DNPEP: variants seen among roughly 807,000 people sequenced by gnomAD.
The protein encoded by DNPEP is aspartyl aminopeptidase.
Under a neutral mutation model 59.1 loss-of-function variants are expected in DNPEP, and 46 were observed. The observed-to-expected ratio is 0.78, with a 90% CI of 0.61 to 0.99. The LOEUF is 0.99. Ranked by LOEUF, DNPEP falls within the 50% of genes least tolerant of loss-of-function variation. The pLI is 0.00. For missense variants in DNPEP, 617 were observed against 649.9 expected (o/e 0.95, Z 0.55); for synonymous variants, 229 against 242.2 (o/e 0.95, Z 0.50).
chr2:219,385,770 A>G (rs1388122051), intron 6 of DNPEP, 64 bp from the exon 7 acceptor site: 8 of 1,470,304 alleles, frequency 5.4e-6, no homozygotes, highest in Admixed American at 2.1e-5. Flanking sequence ...GGCATCCATA[A>G]GTTCAGGTGC....
rs568408214 is a variant in DNPEP, at chr2:219,394,842, C to T, written c.-158+5098G>A. On this transcript the variant is annotated intron_variant, in intron 1 of 6. Coordinates refer to the DNPEP transcript ENST00000434339. ...AATCTGAACTCCTTGTTCCCCAAAC[C>T]TATTCCATCCACATTCTTCCCATCT... Among the ~76,000 whole-genome samples the T allele has an allele frequency of 7.9e-5, 12 of 152,276 alleles. No individual in the cohort carries two copies. In the East Asian group the frequency reaches 2.3e-3, roughly 29 times the overall value.
chr2:219,382,254 T>C, intron 10 of DNPEP, 115 bp from the exon 11 acceptor site: 1 of 1,229,176 alleles, frequency 8.1e-7, no homozygotes, highest in South Asian at 1.4e-5. Flanking sequence ...TCACTGGGTG[T>C]TCTTAGCAAC....
At chr2:219,385,150 C>A (rs1021843401) in intron 8 of DNPEP, 1 of 397,310 alleles carries the variant, frequency 2.5e-6, no homozygotes, top group Non-Finnish European at 4.6e-6. Flanking sequence ...CAGTGTGGGT[C>A]AAAGCAGACA....
intron 8 of DNPEP, chr2:219,384,683 C>T (rs1386044641): frequency 3.4e-5 from 13 of 381,486 alleles, no homozygotes; most frequent in Non-Finnish European, 6.4e-5. Flanking sequence ...ATTCTCGTGC[C>T]TCAGCCTCCT....
At chr2:219,397,254 TCAGA>T (rs1381052107) in intron 1 of DNPEP, among the ~76,000 whole-genome samples, 2 of 126,812 alleles carry the variant, frequency 1.6e-5, no homozygotes, top group African/African-American at 5.9e-5. Flanking sequence ...TTCAGAGACA[TCAGA>T]CAGGAAGCTT....
intron 1 of DNPEP, among the ~76,000 whole-genome samples, chr2:219,394,997 C>G (rs1036566970): frequency 6.6e-6 from 1 of 151,970 alleles, no homozygotes; most frequent in African/African-American, 2.4e-5. Flanking sequence ...ACTCTGTTGC[C>G]CAGGCTGGAG....
chr2:219,379,779 G>A (rs1953513978), intron 13 of DNPEP, among the ~76,000 whole-genome samples: 2 of 152,042 alleles, frequency 1.3e-5, no homozygotes, highest in Admixed American at 6.6e-5. Context: ...AAATTAGCCA[G>A]GCATGGTGGT....
At chr2:219,392,824 A>G (rs1015573190), upstream of DNPEP, among the ~76,000 whole-genome samples, 1 of 152,090 alleles carries the variant, frequency 6.6e-6, no homozygotes, top group African/African-American at 2.4e-5. Context: ...ACTACAAACT[A>G]TTGATCCTAC....
At chr2:219,384,477 C>T (rs1953726368) in intron 8 of DNPEP, 34 bp from the exon 9 acceptor site, 2 of 1,561,888 alleles carry the variant, frequency 1.3e-6, no homozygotes, top group South Asian at 2.3e-5. Context: ...CGACCTTCAA[C>T]CCTCCACCCC....
Position 219,381,416 on chromosome 2 carries a change from G to A in DNPEP, c.1158C>T (p.Asn386=). 3.1e-6 allele frequency: 5 copies of A among 1,614,240 alleles called. No individual in the cohort carries two copies. Among genetic ancestry groups the A allele is most frequent in the Non-Finnish European group, 4.2e-6 (5 of 1,180,046 alleles). ...CGTTTGAAGCATAGCGTTGCTTGCT[G>A]TTCACCTTGATCACGGGGCCCTGGG... The part of the protein sequence containing the change: ...LFHKGPVIKV[N]SKQRYASNAV... The change falls in exon 13 of 15, where the codon AAC becomes AAT. Residue 386 remains asparagine (N), a synonymous_variant. Transcript: ENST00000273075.
chr2:219,388,548 G>A (rs540618592), upstream of DNPEP: 11 of 257,286 alleles, frequency 4.3e-5, no homozygotes, highest in Admixed American at 1.3e-4. Flanking sequence ...CTGCTCGTTA[G>A]GCCCCGCCCT....
chr2:219,387,814 C>T lies in DNPEP; in HGVS notation c.-20G>A, dbSNP rs753211168. The T allele has an allele frequency of 3.8e-6, 6 of 1,568,874 alleles. No individual in the cohort carries two copies. Among genetic ancestry groups the T allele is most frequent in the Admixed American group, 1.9e-5 (1 of 53,528 alleles). On this transcript the variant is annotated 5_prime_UTR_variant, in exon 1 of 15. Coordinates refer to ENST00000273075, the MANE Select transcript of DNPEP (RefSeq NM_012100.4). The stretch of plus-strand genomic sequence containing the variant: ...GCTCATCTGGCCTCCGGGCTCGGCC[C>T]GCCCCCACCGCGCCGCCTGCCCCGC...
chr2:219,387,922 G>GC, upstream of DNPEP: 1 of 1,362,222 alleles, frequency 7.3e-7, no homozygotes, highest in South Asian at 1.6e-5. Flanking sequence ...CCCCGGCCGC[G>GC]CCGCCCCGCC....
intron 11 of DNPEP, 102 bp downstream of exon 11, chr2:219,381,876 GA>G: frequency 7.0e-7 from 1 of 1,419,590 alleles, no homozygotes. Flanking sequence ...GCAGAATGAA[GA>G]AGGGAGAAAG....
At chr2:219,388,993 G>A (rs1953965735), upstream of DNPEP, 4 of 401,174 alleles carry the variant, frequency 1.0e-5, no homozygotes, top group Admixed American at 6.4e-5. Context: ...CAGAGGCCTG[G>A]AACAACCCTA....
At chr2:219,395,531 A>G (rs1475840479) in intron 1 of DNPEP, among the ~76,000 whole-genome samples, 7 of 152,178 alleles carry the variant, frequency 4.6e-5, no homozygotes, top group African/African-American at 1.4e-4. Context: ...AACACACATC[A>G]AGTATATCTG....
chr2:219,374,417 C>T, intron 14 of DNPEP, 75 bp from the exon 15 acceptor site: 1 of 1,351,628 alleles, frequency 7.4e-7, no homozygotes, highest in Non-Finnish European at 1.1e-6. Flanking sequence ...CACCTCCCAC[C>T]AACATATGTT....
rs1337864578 is a variant in DNPEP at position 219,373,068 on chromosome 2, CTTTT to C, written c.*1220_*1223del. On this transcript the variant is annotated 3_prime_UTR_variant, in exon 15 of 15. Coordinates refer to ENST00000273075, the MANE Select transcript of DNPEP (RefSeq NM_012100.4). Reference sequence around the variant, plus strand: ...GTTTATAAGCAGGCTTTGACTTTTTCTTTTTCTTTTTTTTTTTTTGAGAGAGTTT... The same window carrying C: ...GTTTATAAGCAGGCTTTGACTTTTTCTCTTTTTTTTTTTTTGAGAGAGTTT... 1.3e-5 allele frequency among the ~76,000 whole-genome samples: 2 copies of C among 149,892 alleles called. No individual in the cohort carries two copies. Among genetic ancestry groups the C allele is most frequent in the East Asian group, 3.9e-4 (2 of 5,146 alleles).
At chr2:219,395,937 C>A (rs1052011682) in intron 1 of DNPEP, among the ~76,000 whole-genome samples, 1 of 152,168 alleles carries the variant, frequency 6.6e-6, no homozygotes, top group Admixed American at 6.5e-5. Flanking sequence ...TAAACACTTA[C>A]TGAATTAAAG....
Sources: allele counts gnomAD v4.1 joint callset (sites outside exome capture counted in the v4.1 genomes callset), GRCh38; gene constraint gnomAD v4.1.1; transcripts MANE v1.5; gene names NCBI Gene and HGNC (gene_info 2026-07-23, HGNC 2026-07-21).